The following CCNY variants were observed in gnomAD, a reference collection of about 807,000 sequenced individuals.
CCNY encodes cyclin-Y.
A neutral mutation model predicts 42.8 loss-of-function variants in CCNY; 19 were observed. The ratio of observed to expected loss-of-function variants is 0.44; its 90% CI spans 0.31 to 0.65. The LOEUF (loss-of-function observed/expected upper bound fraction) is 0.65, where lower values mean the gene tolerates loss of function less well. Ranked by LOEUF, CCNY falls within the 30% of genes least tolerant of loss-of-function variation. The pLI, the probability that CCNY is intolerant of heterozygous loss-of-function variation, is 0.07. For missense variants in CCNY, 370 were observed against 437.3 expected (o/e 0.85, Z 1.37); for synonymous variants, 165 against 162.7 (o/e 1.01, Z -0.11).
intron 1 of CCNY, among the ~76,000 whole-genome samples, chr10:35,379,913 T>C (rs1305199047): frequency 6.6e-6 from 1 of 152,176 alleles, no homozygotes; most frequent in Non-Finnish European, 1.5e-5. Flanking sequence ...AGGAGAAACA[T>C]AGCTGTCATC....
chr10:35,397,412 C>G (rs941443232), intron 1 of CCNY, among the ~76,000 whole-genome samples: 1 of 152,202 alleles, frequency 6.6e-6, no homozygotes, highest in African/African-American at 2.4e-5. Flanking sequence ...TTGCTTCCTT[C>G]CCCCCTTATC....
At chr10:35,382,621 C>G (rs1837212856) in intron 1 of CCNY, among the ~76,000 whole-genome samples, 2 of 152,118 alleles carry the variant, frequency 1.3e-5, no homozygotes, top group Admixed American at 1.3e-4. Context: ...TCCTGTGGTA[C>G]ACAGGACAGC....
chr10:35,248,148 C>T (rs41276102), exon 2 of CCNY: 2,025 of 152,424 alleles, frequency 0.013, 24 homozygotes, highest in Non-Finnish European at 0.02. Context: ...CTGTCCCCTC[C>T]GGTCACAACA....
chr10:35,350,521 T>C (rs1836406660), intron 1 of CCNY, among the ~76,000 whole-genome samples: 1 of 152,152 alleles, frequency 6.6e-6, no homozygotes. Context: ...GTTCAGGTGC[T>C]GAATTGGTTT....
chr10:35,449,682 C>T, intron 1 of CCNY: 2 of 894,358 alleles, frequency 2.2e-6, no homozygotes, highest in African/African-American at 1.8e-5. Context: ...GGGGGCCGGC[C>T]CCAGGGAGGT....
At chr10:35,550,984 C>T (rs375200480) in intron 7 of CCNY, among the ~76,000 whole-genome samples, 5 of 152,090 alleles carry the variant, frequency 3.3e-5, no homozygotes, top group East Asian at 3.9e-4. Context: ...ATGTGGCATC[C>T]GCTGGGACAT....
At chr10:35,510,317 C>T (rs771335425) in intron 3 of CCNY, among the ~76,000 whole-genome samples, 3 of 152,064 alleles carry the variant, frequency 2.0e-5, no homozygotes, top group African/African-American at 4.8e-5. Flanking sequence ...TGGGCCCAAC[C>T]GATCTTCCTG....
intron 1 of CCNY, among the ~76,000 whole-genome samples, chr10:35,423,506 C>CT (rs1249915944): frequency 0.055 from 7,753 of 140,150 alleles, 292 homozygotes; most frequent in African/African-American, 0.11. Context: ...CTGAAAGAGG[C>CT]TTTTTTTTTT....
chr10:35,340,719 G>C (rs1836160773), intron 1 of CCNY, among the ~76,000 whole-genome samples: 1 of 152,004 alleles, frequency 6.6e-6, no homozygotes, highest in South Asian at 2.1e-4. Context: ...TGTTATACTG[G>C]TCTCGAACTC....
At chr10:35,465,813 A>C (rs1839247417) in intron 1 of CCNY, among the ~76,000 whole-genome samples, 1 of 151,700 alleles carries the variant, frequency 6.6e-6, no homozygotes, top group African/African-American at 2.4e-5. Context: ...TCATCTCTCC[A>C]CCAGTTAGAC....
chr10:35,310,596 G>GT (rs1157110741), intron 3 of CCNY, among the ~76,000 whole-genome samples: 2 of 152,136 alleles, frequency 1.3e-5, no homozygotes, highest in African/African-American at 4.8e-5. Context: ...AATAGCCATT[G>GT]TAACTGGGGT....
intron 1 of CCNY, among the ~76,000 whole-genome samples, chr10:35,433,301 C>T (rs1397623263): frequency 5.3e-5 from 8 of 152,194 alleles, no homozygotes; most frequent in African/African-American, 1.4e-4. Flanking sequence ...TTTGTACTCT[C>T]TTCTCAGCTT....
rs1370607980 is a variant in CCNY at position 35,336,892 on chromosome 10, CGCT to C, written c.-157_-155del. Reference sequence around the variant, plus strand: ...CATGGCGAGGCCCCGCCGCCGCCGCCGCTGCTGACCCGGCGGCCGGCCGCCGTT... The same window carrying C: ...CATGGCGAGGCCCCGCCGCCGCCGCCGCTGACCCGGCGGCCGGCCGCCGTT... On this transcript the variant is annotated 5_prime_UTR_variant, in exon 1 of 10. An upstream open reading frame in the 5' UTR gains an earlier in-frame stop. Transcript: ENST00000374704. 4.6e-6 allele frequency: 1 copy of C among 216,864 alleles called. No individual in the cohort carries two copies. Among genetic ancestry groups the C allele is most frequent in the Non-Finnish European group, 7.1e-6 (1 of 140,978 alleles). 13.4% of individuals were successfully genotyped at this position (216,864 alleles called of 1,614,324 possible). A position where few individuals can be genotyped will look rare whatever the true frequency, so the allele number is the denominator to read the frequency against.
intron 2 of CCNY, among the ~76,000 whole-genome samples, chr10:35,487,179 A>G (rs1378603478): frequency 3.9e-5 from 6 of 152,188 alleles, no homozygotes; most frequent in Non-Finnish European, 7.3e-5. Context: ...CAAGACCACA[A>G]CTGTGGGTCT....
intron 7 of CCNY, among the ~76,000 whole-genome samples, chr10:35,543,224 C>CAAA: frequency 6.6e-6 from 1 of 152,292 alleles, no homozygotes; most frequent in East Asian, 1.9e-4. Context: ...ACTAAAAGGA[C>CAAA]TCACAGGACC....
intron 1 of CCNY, among the ~76,000 whole-genome samples, chr10:35,419,529 G>A (rs984853720): frequency 8.6e-6 from 1 of 116,168 alleles, no homozygotes; most frequent in African/African-American, 4.4e-5. Context: ...GCATTAGACC[G>A]TTCCTTTTTT....
At chr10:35,397,637 C>A (rs1837554087) in intron 1 of CCNY, among the ~76,000 whole-genome samples, 1 of 152,174 alleles carries the variant, frequency 6.6e-6, no homozygotes, top group African/African-American at 2.4e-5. Context: ...ACCAAATGAA[C>A]CCTGTCCCTG....
chr10:35,447,578 A>G (rs1023213660), intron 1 of CCNY, among the ~76,000 whole-genome samples: 2 of 152,242 alleles, frequency 1.3e-5, no homozygotes, highest in Non-Finnish European at 2.9e-5. Flanking sequence ...CTAAAATAAT[A>G]TAAATACAAT....
chr10:35,388,496 T>C (rs903877555), intron 1 of CCNY, among the ~76,000 whole-genome samples: 4 of 152,246 alleles, frequency 2.6e-5, no homozygotes, highest in African/African-American at 7.2e-5. Flanking sequence ...ATGATGGCTA[T>C]ATACCACTCA....
Sources: gnomAD v4.1 joint callset for allele counts (sites outside exome capture counted in the v4.1 genomes callset) on GRCh38, gnomAD v4.1.1 for gene constraint, MANE v1.5 for transcripts, NCBI Gene and HGNC (gene_info 2026-07-23, HGNC 2026-07-21) for gene names.